CDH12: variants seen among roughly 807,000 people sequenced by gnomAD.
The protein encoded by CDH12 is cadherin 12.
In CDH12, 41 loss-of-function variants were observed where a neutral mutation model predicts 74.1. The observed-to-expected ratio is 0.55, with a 90% CI of 0.43 to 0.72. The LOEUF (loss-of-function observed/expected upper bound fraction) is 0.72. Among genes scored for constraint, CDH12 ranks in the 30% least tolerant of loss-of-function variants. The pLI is 0.00. For missense variants in CDH12, 945 were observed against 977.2 expected (o/e 0.97, Z 0.44); for synonymous variants, 399 against 355.0 (o/e 1.12, Z -1.39).
At chr5:21,759,652 T>A (rs1168402191) in intron 13 of CDH12, among the ~76,000 whole-genome samples, 1 of 152,134 alleles carries the variant, frequency 6.6e-6, no homozygotes, top group East Asian at 1.9e-4. Flanking sequence ...ATATAATACC[T>A]GCATTCTTTA....
At chr5:22,295,042 A>G (rs903975078) in intron 3 of CDH12, among the ~76,000 whole-genome samples, 2 of 151,830 alleles carry the variant, frequency 1.3e-5, no homozygotes, top group East Asian at 1.9e-4. Flanking sequence ...ACCTTGACCA[A>G]CCTCCCCACT....
At chr5:22,552,530 G>A (rs1738619150) in intron 1 of CDH12, among the ~76,000 whole-genome samples, 1 of 151,742 alleles carries the variant, frequency 6.6e-6, no homozygotes, top group African/African-American at 2.4e-5. Context: ...CTGGGTTCAA[G>A]CGATTATCCT....
At chr5:22,076,845 G>T (rs551127813) in intron 5 of CDH12, among the ~76,000 whole-genome samples, 21 of 151,966 alleles carry the variant, frequency 1.4e-4, no homozygotes, top group African/African-American at 3.9e-4. Flanking sequence ...GGTCATTCTG[G>T]TCTAGGCTGG....
chr5:21,958,008 G>A (rs972310013), intron 6 of CDH12, among the ~76,000 whole-genome samples: 1 of 152,026 alleles, frequency 6.6e-6, no homozygotes, highest in African/African-American at 2.4e-5. Flanking sequence ...GGAGAGACCA[G>A]GTGGAGGTAA....
intron 10 of CDH12, among the ~76,000 whole-genome samples, chr5:21,788,572 G>A (rs1746322424): frequency 6.6e-6 from 1 of 152,026 alleles, no homozygotes; most frequent in African/African-American, 2.4e-5. Context: ...ACAACTGAGA[G>A]GAATCACTGG....
chr5:22,029,568 A>G (rs1400523693), intron 5 of CDH12, among the ~76,000 whole-genome samples: 1 of 152,128 alleles, frequency 6.6e-6, no homozygotes. Context: ...ATGAGATACC[A>G]TCTCACACCA....
chr5:22,000,279 T>C lies in CDH12; in HGVS notation c.232-24894A>G, dbSNP rs185391503. On this transcript the variant is annotated intron_variant, in intron 5 of 14. Transcript: ENST00000382254. Reference sequence around the variant, plus strand: ...ACTCAGCCCCATGTGCTGTTTCTTATGCTTAATGTTTTTTGGTTATTTGTT... The same window carrying C: ...ACTCAGCCCCATGTGCTGTTTCTTACGCTTAATGTTTTTTGGTTATTTGTT... Among the ~76,000 whole-genome samples the C allele has an allele frequency of 7.8e-3, 1,181 of 152,268 alleles. 14 individuals carry two copies. The highest frequency in any genetic ancestry group is 0.026 in the African/African-American group (1,095 of 41,560).
At chr5:22,210,437 GA>G (rs1751461653) in intron 4 of CDH12, among the ~76,000 whole-genome samples, 1 of 148,800 alleles carries the variant, frequency 6.7e-6, no homozygotes, top group African/African-American at 2.5e-5. Context: ...TGCAAATTCA[GA>G]CAACTATGAC....
At chr5:21,933,800 G>A (rs994080082) in intron 6 of CDH12, among the ~76,000 whole-genome samples, 2 of 152,172 alleles carry the variant, frequency 1.3e-5, no homozygotes, top group Admixed American at 6.5e-5. Context: ...GTGGAAAAGA[G>A]GAGGTGGAGG....
intron 2 of CDH12, among the ~76,000 whole-genome samples, chr5:22,470,601 T>C (rs577438748): frequency 5.3e-5 from 8 of 151,988 alleles, no homozygotes; most frequent in Non-Finnish European, 1.0e-4. Context: ...AAAAAATTTT[T>C]GTAGAGATAA....
intron 1 of CDH12, among the ~76,000 whole-genome samples, chr5:22,639,816 A>G (rs1275613286): frequency 6.6e-6 from 1 of 152,082 alleles, no homozygotes; most frequent in Non-Finnish European, 1.5e-5. Context: ...ATCCACCCCA[A>G]TACAGTTGAA....
At chr5:22,116,776 T>G (rs1180473527) in intron 4 of CDH12, among the ~76,000 whole-genome samples, 2 of 151,916 alleles carry the variant, frequency 1.3e-5, no homozygotes, top group Admixed American at 6.6e-5. Flanking sequence ...GCCACTACAT[T>G]GGTGATCACC....
chr5:22,485,654 A>G (rs1170063473), intron 2 of CDH12, among the ~76,000 whole-genome samples: 1 of 152,184 alleles, frequency 6.6e-6, no homozygotes, highest in Non-Finnish European at 1.5e-5. Context: ...TTTAGCCTTA[A>G]AGTTTACAAC....
At chr5:22,789,054 G>C (rs1369345506) in intron 1 of CDH12, among the ~76,000 whole-genome samples, 1 of 151,994 alleles carries the variant, frequency 6.6e-6, no homozygotes, top group East Asian at 1.9e-4. Flanking sequence ...ATGAATAAAG[G>C]AATATCATAG....
At chr5:22,580,424 A>G in intron 1 of CDH12, 1 of 505,332 alleles carries the variant, frequency 2.0e-6, no homozygotes, top group Non-Finnish European at 4.1e-6. Flanking sequence ...CAGAAACATC[A>G]CCCTCCAAGT....
At chr5:21,801,428 T>C (rs2149921852) in intron 10 of CDH12, among the ~76,000 whole-genome samples, 1 of 152,276 alleles carries the variant, frequency 6.6e-6, no homozygotes, top group South Asian at 2.1e-4. Flanking sequence ...GGCAGAAAAT[T>C]CAAGCATACA....
chr5:21,818,079 C>T (rs1487660726), intron 8 of CDH12, among the ~76,000 whole-genome samples: 1 of 151,864 alleles, frequency 6.6e-6, no homozygotes, highest in African/African-American at 2.4e-5. Flanking sequence ...TAACAACAGT[C>T]TGTTCAAATT....
intron 3 of CDH12, among the ~76,000 whole-genome samples, chr5:22,357,248 T>C (rs2150469854): frequency 6.6e-6 from 1 of 152,260 alleles, no homozygotes; most frequent in East Asian, 1.9e-4. Flanking sequence ...ATGTGTGTAT[T>C]ATTTATTCTT....
chr5:22,311,629 G>A (rs537595504), intron 3 of CDH12, among the ~76,000 whole-genome samples: 6 of 151,410 alleles, frequency 4.0e-5, no homozygotes, highest in African/African-American at 1.5e-4. Flanking sequence ...CTTGAACCTG[G>A]GAGGCAGAAG....
Sources: gnomAD v4.1 joint callset for allele counts (sites outside exome capture counted in the v4.1 genomes callset) on GRCh38, gnomAD v4.1.1 for gene constraint, MANE v1.5 for transcripts, NCBI Gene and HGNC (gene_info 2026-07-23, HGNC 2026-07-21) for gene names.